PGM2: variants seen among roughly 807,000 people sequenced by gnomAD.
PGM2 encodes the protein phosphoglucomutase 2, also known as phosphopentomutase.
Under a neutral mutation model 74.6 loss-of-function variants are expected in PGM2, and 57 were observed. The observed-to-expected ratio is 0.76, with a 90% CI of 0.62 to 0.95. The LOEUF is 0.95. Among genes scored for constraint, PGM2 ranks in the 40% least tolerant of loss-of-function variants. The probability of loss-of-function intolerance (pLI) is 0.00; values close to 1 mark genes in which losing one functional copy is unlikely to be tolerated. For missense variants in PGM2, 706 were observed against 741.9 expected (o/e 0.95, Z 0.56); for synonymous variants, 273 against 260.7 (o/e 1.05, Z -0.46).
chr4:37,859,351 TAA>T (rs1711683393), intron 13 of PGM2, among the ~76,000 whole-genome samples: 1 of 152,124 alleles, frequency 6.6e-6, no homozygotes, highest in Non-Finnish European at 1.5e-5. Flanking sequence ...ATGTACCTAT[TAA>T]GAGATTGTTT....
In PGM2 at chr4:37,849,785, T is replaced by C. The variant is rs568773319; in HGVS notation, c.1413-399T>C. 2.2e-4 allele frequency among the ~76,000 whole-genome samples: 34 copies of C among 152,060 alleles called. No homozygotes were observed. In the South Asian group the frequency reaches 6.6e-3, roughly 30 times the overall value. ...TGGCTGTTACATTTATTTTATTATT[T>C]ATTTTATTTTATTTTATTTTTTGAG... On this transcript the variant is annotated intron_variant, in intron 11 of 13. Transcript: ENST00000381967.
At chr4:37,852,958 A>G (rs932304270) in intron 12 of PGM2, among the ~76,000 whole-genome samples, 2 of 152,148 alleles carry the variant, frequency 1.3e-5, no homozygotes, top group African/African-American at 4.8e-5. Context: ...TATTTTTTAA[A>G]ATAATCACCT....
intron 12 of PGM2, among the ~76,000 whole-genome samples, chr4:37,853,863 C>T (rs1726116123): frequency 6.6e-6 from 1 of 152,162 alleles, no homozygotes. Flanking sequence ...GAATTTAAAC[C>T]ATCTCCTGCA....
intron 1 of PGM2, 99 bp from the exon 2 acceptor site, chr4:37,829,865 T>A: frequency 4.8e-6 from 2 of 412,552 alleles, no homozygotes; most frequent in Non-Finnish European, 8.4e-6. Context: ...TATATACATA[T>A]ATATATATTT....
intron 2 of PGM2, among the ~76,000 whole-genome samples, chr4:37,830,385 G>A (rs1228101747): frequency 1.3e-5 from 2 of 152,144 alleles, no homozygotes; most frequent in African/African-American, 2.4e-5. Flanking sequence ...TGCCAGCACT[G>A]GGGATATAAG....
At chr4:37,841,498 G>A (rs1180312896) in intron 6 of PGM2, among the ~76,000 whole-genome samples, 1 of 152,106 alleles carries the variant, frequency 6.6e-6, no homozygotes, top group Admixed American at 6.6e-5. Context: ...GCCCACTCCA[G>A]TGCAGAGTAT....
chr4:37,855,489 G>T, intron 12 of PGM2, 119 bp from the exon 13 acceptor site: 1 of 843,050 alleles, frequency 1.2e-6, no homozygotes, highest in Non-Finnish European at 1.8e-6. Flanking sequence ...CCTCCAGAAT[G>T]TTTTTCTTTT....
At position 37,848,665 on chromosome 4, in the gene PGM2, G is replaced by T; in HGVS notation, c.1412+14G>T. On this transcript the variant is annotated intron_variant, in intron 11 of 13. Coordinates refer to ENST00000381967, the MANE Select transcript of PGM2 (RefSeq NM_018290.4). ...CATTTATGTGGAGTAAGTTGTTATT[G>T]ACTCTGTTGGATTGAAATAATATTT... 2 of 1,590,996 alleles carry T rather than the reference G, an allele frequency of 1.3e-6. No homozygotes were observed. The highest frequency in any genetic ancestry group is 2.2e-5 in the South Asian group (2 of 90,232).
intron 12 of PGM2, among the ~76,000 whole-genome samples, chr4:37,851,631 G>A (rs1726042212): frequency 6.6e-6 from 1 of 152,166 alleles, no homozygotes; most frequent in South Asian, 2.1e-4. Flanking sequence ...ACGATGAAAC[G>A]TGGCAGTCCC....
At chr4:37,829,904 T>C in intron 1 of PGM2, 60 bp from the exon 2 acceptor site, 2 of 971,452 alleles carry the variant, frequency 2.1e-6, no homozygotes, top group Non-Finnish European at 1.5e-6. Context: ...TGTGAATTTT[T>C]TTACATTTCT....
At chr4:37,830,934 C>T (rs1021678997) in intron 2 of PGM2, among the ~76,000 whole-genome samples, 2 of 152,118 alleles carry the variant, frequency 1.3e-5, no homozygotes, top group Non-Finnish European at 2.9e-5. Flanking sequence ...TGGCTCACAC[C>T]TGTAATCCCA....
chr4:37,829,908 C>A, intron 1 of PGM2, 56 bp from the exon 2 acceptor site: 1 of 1,009,386 alleles, frequency 9.9e-7, no homozygotes, highest in Non-Finnish European at 1.4e-6. Context: ...AATTTTTTTA[C>A]ATTTCTGATT....
chr4:37,856,827 C>T (rs996313928), intron 13 of PGM2, among the ~76,000 whole-genome samples: 20 of 152,062 alleles, frequency 1.3e-4, no homozygotes, highest in African/African-American at 4.1e-4. Context: ...CTTTTAAAAG[C>T]GTAAAAAGAA....
Position 37,830,109 on chromosome 4 carries a change from T to C in PGM2, c.227T>C (p.Leu76Ser). ...MGPGISRMND[L>S]TIIQTTQGFC... is the part of the protein sequence containing the mutation. ...CCTGGAATTTCTCGTATGAATGACT[T>C]GACCATCATCCAGACTACACAGGTA... is the stretch of plus-strand genomic sequence containing the variant. The change falls in exon 2 of 14, where the codon TTG becomes TCG. Residue 76 changes from leucine to serine, a missense_variant. Around this residue, in one of 3 missense-constraint regions of PGM2, gnomAD observed 332 missense variants for 334.9 expected, o/e 0.99. Transcript: ENST00000381967. 2.5e-6 allele frequency: 4 copies of C among 1,592,232 alleles called. No individual in the cohort carries two copies. The highest frequency in any genetic ancestry group is 3.4e-6 in the Non-Finnish European group (4 of 1,169,636).
intron 12 of PGM2, among the ~76,000 whole-genome samples, chr4:37,851,917 T>C (rs1236122910): frequency 2.0e-5 from 3 of 151,970 alleles, no homozygotes; most frequent in East Asian, 3.9e-4. Flanking sequence ...TGATTAGGTT[T>C]CCCTAATTTG....
chr4:37,854,860 T>C (rs904840082), intron 12 of PGM2, among the ~76,000 whole-genome samples: 1 of 152,142 alleles, frequency 6.6e-6, no homozygotes, highest in Non-Finnish European at 1.5e-5. Context: ...TAAAAGCTAA[T>C]ACACAAAGTT....
chr4:37,836,447 T>C (rs1725568560), intron 3 of PGM2, among the ~76,000 whole-genome samples: 1 of 152,250 alleles, frequency 6.6e-6, no homozygotes, highest in Non-Finnish European at 1.5e-5. Context: ...TGTTTATCCT[T>C]TAATCTTCCA....
rs1223030703 is a variant in PGM2 at position 37,862,008 on chromosome 4, T to C, written c.*396T>C. ...GGAGTTAGTAAATTCTGGGCTGTCA[T>C]ATGTAGGATAGCCACTTTTTAGGTA... On this transcript the variant is annotated 3_prime_UTR_variant, in exon 14 of 14. Transcript: ENST00000381967. The C allele has an allele frequency of 1.2e-5, 2 of 160,686 alleles. No homozygotes were observed. The highest frequency in any genetic ancestry group is 1.7e-4 in the East Asian group (1 of 5,934). The allele number at this position is 160,686 out of a possible 1,614,324, so 10.0% of individuals were successfully genotyped here. A position where few individuals can be genotyped will look rare whatever the true frequency, so the allele number is the denominator to read the frequency against.
intron 3 of PGM2, among the ~76,000 whole-genome samples, chr4:37,836,273 G>A (rs927781175): frequency 6.6e-6 from 1 of 152,184 alleles, no homozygotes; most frequent in Non-Finnish European, 1.5e-5. Context: ...GGGATGGGAT[G>A]GAGTGGAACT....
Sources: gnomAD v4.1 joint callset for allele counts (sites outside exome capture counted in the v4.1 genomes callset) on GRCh38, gnomAD v4.1.1 for gene constraint, gnomAD v4.1.1 regional missense constraint, MANE v1.5 for transcripts, NCBI Gene and HGNC (gene_info 2026-07-23, HGNC 2026-07-21) for gene names.